Variants in PDE4B observed in about 807,000 individuals in gnomAD.
PDE4B encodes 3',5'-cyclic-AMP phosphodiesterase 4B.
A neutral mutation model predicts 82.2 loss-of-function variants in PDE4B; 20 were observed. The observed-to-expected ratio is 0.24, with a 90% confidence interval of 0.17 to 0.35. The LOEUF (loss-of-function observed/expected upper bound fraction) is 0.35, where lower values mean the gene tolerates loss of function less well. Among genes scored for constraint, PDE4B ranks in the 10% least tolerant of loss-of-function variants. The probability of loss-of-function intolerance (pLI) is 1.00; values close to 1 mark genes in which losing one functional copy is unlikely to be tolerated. For missense variants in PDE4B, 655 were observed against 907.2 expected (o/e 0.72, Z 3.57); for synonymous variants, 320 against 318.9 (o/e 1.00, Z -0.04).
intron 3 of PDE4B, chr1:66,152,416 G>A: frequency 4.6e-6 from 1 of 218,344 alleles, no homozygotes; most frequent in East Asian, 9.3e-5. Context: ...CAGGCAGGGT[G>A]GCAGCACTGG....
intron 3 of PDE4B, among the ~76,000 whole-genome samples, chr1:65,996,826 G>T (rs975923685): frequency 3.9e-5 from 6 of 152,268 alleles, no homozygotes; most frequent in Admixed American, 2.0e-4. Context: ...CATGTAATAA[G>T]TTGCAAAGTG....
At chr1:65,935,694 C>T (rs1648087687) in intron 3 of PDE4B, among the ~76,000 whole-genome samples, 2 of 152,262 alleles carry the variant, frequency 1.3e-5, no homozygotes, top group African/African-American at 2.4e-5. Context: ...GTAATCCCAA[C>T]ACTTTGGCAA....
chr1:65,873,291 C>A (rs180925478), intron 1 of PDE4B, among the ~76,000 whole-genome samples: 1 of 151,916 alleles, frequency 6.6e-6, no homozygotes, highest in Non-Finnish European at 1.5e-5. Context: ...AGATAGAACT[C>A]GGGAAGTAAG....
chr1:66,229,943 C>T (rs1208925461), intron 3 of PDE4B, among the ~76,000 whole-genome samples: 1 of 152,186 alleles, frequency 6.6e-6, no homozygotes. Flanking sequence ...CTGCCTCAAG[C>T]CAAAGCCTCG....
intron 3 of PDE4B, among the ~76,000 whole-genome samples, chr1:66,118,511 A>C (rs554426533): frequency 7.2e-5 from 11 of 152,204 alleles, no homozygotes; most frequent in African/African-American, 2.6e-4. Flanking sequence ...CATAGGTGGG[A>C]ATTGAACAAT....
intron 3 of PDE4B, among the ~76,000 whole-genome samples, chr1:66,145,480 G>A (rs961662241): frequency 6.6e-6 from 1 of 152,138 alleles, no homozygotes; most frequent in Non-Finnish European, 1.5e-5. Context: ...AAAGTTCCCA[G>A]GTATATAACT....
intron 7 of PDE4B, among the ~76,000 whole-genome samples, chr1:66,275,813 A>G (rs956621529): frequency 6.6e-6 from 1 of 152,224 alleles, no homozygotes; most frequent in Non-Finnish European, 1.5e-5. Flanking sequence ...CCCTCAAAAT[A>G]GAGAACAGGC....
At chr1:66,167,947 C>G (rs1466250646) in intron 3 of PDE4B, among the ~76,000 whole-genome samples, 1 of 152,220 alleles carries the variant, frequency 6.6e-6, no homozygotes, top group Non-Finnish European at 1.5e-5. Flanking sequence ...CAATGCCTCT[C>G]TCTTTTCTGT....
intron 3 of PDE4B, among the ~76,000 whole-genome samples, chr1:66,171,334 C>G (rs1485990841): frequency 6.6e-6 from 1 of 152,000 alleles, no homozygotes; most frequent in Admixed American, 6.6e-5. Flanking sequence ...CAGTCATGTA[C>G]TTTATGGGAT....
At chr1:66,155,033 G>A (rs1213092324) in intron 3 of PDE4B, among the ~76,000 whole-genome samples, 1 of 152,024 alleles carries the variant, frequency 6.6e-6, no homozygotes, top group East Asian at 1.9e-4. Context: ...AGAAAATAAG[G>A]CAGGAGGATC....
chr1:65,960,574 C>T (rs777997500), intron 3 of PDE4B, among the ~76,000 whole-genome samples: 4 of 152,086 alleles, frequency 2.6e-5, no homozygotes, highest in Non-Finnish European at 2.9e-5. Flanking sequence ...GCCTCAGATT[C>T]ATCATCTGTG....
At chr1:66,189,876 A>T (rs1435252355) in intron 3 of PDE4B, among the ~76,000 whole-genome samples, 1 of 152,128 alleles carries the variant, frequency 6.6e-6, no homozygotes, top group Non-Finnish European at 1.5e-5. Context: ...ATTGCTGGTG[A>T]GGAGCTGCAT....
chr1:66,127,080 G>A (rs1490653802), intron 3 of PDE4B, among the ~76,000 whole-genome samples: 1 of 152,162 alleles, frequency 6.6e-6, no homozygotes, highest in Non-Finnish European at 1.5e-5. Context: ...TTGGATCATG[G>A]AATAGACAAA....
chr1:66,165,931 AAAC>A (rs979415108), intron 3 of PDE4B, among the ~76,000 whole-genome samples: 2 of 151,478 alleles, frequency 1.3e-5, no homozygotes, highest in African/African-American at 4.8e-5. Context: ...GACCTATAAA[AAAC>A]AAATCAAACC....
At chr1:66,175,242 A>G (rs1224342811) in intron 3 of PDE4B, among the ~76,000 whole-genome samples, 2 of 152,240 alleles carry the variant, frequency 1.3e-5, no homozygotes, top group Non-Finnish European at 2.9e-5. Context: ...TTGAAAATCC[A>G]TGGAGCCCAA....
intron 3 of PDE4B, among the ~76,000 whole-genome samples, chr1:66,110,869 G>C (rs543009749): frequency 1.1e-4 from 16 of 152,064 alleles, no homozygotes; most frequent in Admixed American, 9.9e-4. Context: ...AACTACTGCT[G>C]TCTGGCCTAT....
chr1:66,096,627 A>G (rs1645126953), intron 3 of PDE4B, among the ~76,000 whole-genome samples: 1 of 148,028 alleles, frequency 6.8e-6, no homozygotes, highest in Non-Finnish European at 1.5e-5. Flanking sequence ...TTTATATATC[A>G]AGTAAGTATA....
chr1:66,221,187 A>G (rs1420241461), intron 3 of PDE4B, among the ~76,000 whole-genome samples: 3 of 152,066 alleles, frequency 2.0e-5, no homozygotes, highest in Non-Finnish European at 2.9e-5. Context: ...AACCAAAACC[A>G]TTGGAAAGTG....
intron 12 of PDE4B, 65 bp downstream of exon 12, chr1:66,363,636 A>T: frequency 7.7e-7 from 1 of 1,292,380 alleles, no homozygotes; most frequent in Non-Finnish European, 1.1e-6. Flanking sequence ...TATCAGCTGG[A>T]TGTAGTAGCA....
Sources: allele counts gnomAD v4.1 joint callset (sites outside exome capture counted in the v4.1 genomes callset), GRCh38; gene constraint gnomAD v4.1.1; transcripts MANE v1.5; gene names NCBI Gene and HGNC (gene_info 2026-07-23, HGNC 2026-07-21).